The following FGF14 variants were observed in gnomAD, a reference collection of about 807,000 sequenced individuals.
The protein encoded by FGF14 is fibroblast growth factor 14.
A neutral mutation model predicts 25.5 loss-of-function variants in FGF14; 5 were observed. That is an observed-to-expected ratio of 0.20 (90% CI 0.10 to 0.41). The LOEUF is 0.41. FGF14 is among the 10% of genes least tolerant of loss of function. The probability of loss-of-function intolerance (pLI) is 1.00; values close to 1 mark genes in which losing one functional copy is unlikely to be tolerated. For missense variants in FGF14, 222 were observed against 320.1 expected (o/e 0.69, Z 2.34); for synonymous variants, 138 against 118.3 (o/e 1.17, Z -1.08).
chr13:101,923,459 A>AT (rs2139184661), intron 1 of FGF14, among the ~76,000 whole-genome samples: 1 of 152,150 alleles, frequency 6.6e-6, no homozygotes, highest in South Asian at 2.1e-4. Flanking sequence ...GTCCCTTTTC[A>AT]TTTTTTACTC....
chr13:102,199,806 G>T (rs1041787815), intron 1 of FGF14, among the ~76,000 whole-genome samples: 1 of 152,040 alleles, frequency 6.6e-6, no homozygotes, highest in African/African-American at 2.4e-5. Flanking sequence ...CTTTCTCAGT[G>T]TGCCACATGC....
chr13:102,201,923 G>A (rs2049672201), intron 1 of FGF14, among the ~76,000 whole-genome samples: 1 of 152,198 alleles, frequency 6.6e-6, no homozygotes, highest in African/African-American at 2.4e-5. Flanking sequence ...AATCCCCAGT[G>A]TTGGATGTGG....
intron 3 of FGF14, among the ~76,000 whole-genome samples, chr13:101,783,497 C>T (rs1328616414): frequency 1.3e-5 from 2 of 151,010 alleles, no homozygotes; most frequent in South Asian, 2.1e-4. Context: ...CTGTCCATAT[C>T]CTTTGCCCAC....
intron 4 of FGF14, among the ~76,000 whole-genome samples, chr13:101,724,618 ATATATATATATAT>A (rs2035260226): frequency 1.4e-5 from 2 of 144,472 alleles, no homozygotes; most frequent in Admixed American, 1.4e-4. Context: ...ATATATATAT[ATATATATATATAT>A]AAAACAAAGA....
intron 3 of FGF14, among the ~76,000 whole-genome samples, chr13:101,786,890 A>T (rs1047390962): frequency 6.6e-6 from 1 of 152,128 alleles, no homozygotes; most frequent in Non-Finnish European, 1.5e-5. Flanking sequence ...CTTTTAAGAA[A>T]CTTGAAAAGA....
At chr13:101,788,084 G>A (rs930741005) in intron 3 of FGF14, among the ~76,000 whole-genome samples, 9 of 152,098 alleles carry the variant, frequency 5.9e-5, no homozygotes, top group Non-Finnish European at 1.3e-4. Context: ...TGTTGGTCAG[G>A]CTGGTCTCAA....
At chr13:102,071,150 A>C (rs1296391319) in intron 1 of FGF14, among the ~76,000 whole-genome samples, 1 of 152,242 alleles carries the variant, frequency 6.6e-6, no homozygotes, top group Non-Finnish European at 1.5e-5. Flanking sequence ...ATGTTTAACA[A>C]ATAACCAAAC....
intron 1 of FGF14, among the ~76,000 whole-genome samples, chr13:102,065,019 ACT>A (rs1262613625): frequency 1.3e-5 from 2 of 151,942 alleles, no homozygotes; most frequent in African/African-American, 2.4e-5. Flanking sequence ...ATATAATGTC[ACT>A]CTCTTTTCCA....
intron 3 of FGF14, among the ~76,000 whole-genome samples, chr13:101,732,187 C>G (rs768038113): frequency 6.6e-6 from 1 of 152,172 alleles, no homozygotes; most frequent in Non-Finnish European, 1.5e-5. Context: ...CAGGCTTCCA[C>G]TAGGAATTAG....
rs530304699 is a variant in FGF14, at chr13:102,169,734, T to C, written c.208+231737A>G. On this transcript the variant is annotated intron_variant, in intron 1 of 4. Coordinates refer to the FGF14 transcript ENST00000376131. ...CAAAAGCAATTTAATTGGATAACCT[T>C]TATTCCAATTATTGAAAGTTCTTTC... is the stretch of plus-strand genomic sequence containing the variant. Among the ~76,000 whole-genome samples, 24 of 152,266 alleles carry C rather than the reference T, an allele frequency of 1.6e-4. No homozygotes were observed. The East Asian group carries it at 4.4e-3, about 28-fold the overall frequency.
chr13:101,722,036 A>G lies in FGF14; in HGVS notation c.*795T>C, dbSNP rs867925528. ...TGTGATATGTATAAAACACACACAC[A>G]CAAAGAAACTAGAGGGGGATGTCAA... is the stretch of plus-strand genomic sequence containing the variant. On this transcript the variant is annotated 3_prime_UTR_variant, in exon 5 of 5. Coordinates refer to ENST00000376143, the MANE Select transcript of FGF14 (RefSeq NM_004115.4). 1 of 152,342 alleles carries G rather than the reference A, an allele frequency of 6.6e-6. No individual in the cohort carries two copies. The highest frequency in any genetic ancestry group is 6.6e-5 in the Admixed American group (1 of 15,266). The allele number at this position is 152,342 out of a possible 1,614,324, so 9.4% of individuals were successfully genotyped here. A position where few individuals can be genotyped will look rare whatever the true frequency, so the allele number is the denominator to read the frequency against.
At chr13:101,829,491 C>T (rs2042566313) in intron 3 of FGF14, among the ~76,000 whole-genome samples, 1 of 152,042 alleles carries the variant, frequency 6.6e-6, no homozygotes, top group Non-Finnish European at 1.5e-5. Context: ...CCTAAGAATA[C>T]ACTAGCCAGT....
chr13:101,886,745 A>G (rs1190452017), intron 1 of FGF14, among the ~76,000 whole-genome samples: 3 of 152,312 alleles, frequency 2.0e-5, no homozygotes, highest in Middle Eastern at 6.8e-3. Context: ...AGCCACCAAC[A>G]GAATGGAGAC....
At chr13:101,946,597 G>C (rs1024998702) in intron 1 of FGF14, among the ~76,000 whole-genome samples, 19 of 152,306 alleles carry the variant, frequency 1.2e-4, no homozygotes, top group African/African-American at 4.3e-4. Context: ...CATCTGTGGA[G>C]TTAGTTTTTC....
intron 3 of FGF14, among the ~76,000 whole-genome samples, chr13:101,750,524 G>T (rs755486069): frequency 2.0e-5 from 3 of 152,128 alleles, no homozygotes; most frequent in Non-Finnish European, 4.4e-5. Context: ...CTTCTTTTCT[G>T]CTGGAGAAGT....
intron 1 of FGF14, among the ~76,000 whole-genome samples, chr13:101,939,812 A>C (rs2035327558): frequency 6.6e-6 from 1 of 152,212 alleles, no homozygotes; most frequent in Non-Finnish European, 1.5e-5. Context: ...AAAGTCAAAA[A>C]CCACCTCATA....
intron 1 of FGF14, among the ~76,000 whole-genome samples, chr13:102,088,206 T>G (rs2140233063): frequency 6.6e-6 from 1 of 152,366 alleles, no homozygotes; most frequent in African/African-American, 2.4e-5. Context: ...GGTACTCAAC[T>G]GTCAACCTGC....
At position 101,713,117 on chromosome 13, in the gene FGF14, C is replaced by T. The variant is rs2034552145; in HGVS notation, c.*9714G>A. 1.3e-5 allele frequency: 2 copies of T among 152,158 alleles called. No individual in the cohort carries two copies. Among genetic ancestry groups the T allele is most frequent in the Admixed American group, 1.3e-4 (2 of 15,268 alleles). The allele number at this position is 152,158 out of a possible 1,614,324, so 9.4% of individuals were successfully genotyped here. ...TGCACTCTTACTTTGAGAAGTGTGT[C>T]AAGAAATGGCAAACATTTAATTTGG... On this transcript the variant is annotated 3_prime_UTR_variant, in exon 5 of 5. Coordinates refer to ENST00000376143, the MANE Select transcript of FGF14 (RefSeq NM_004115.4).
At chr13:102,377,420 A>G (rs184993082) in intron 1 of FGF14, among the ~76,000 whole-genome samples, 22 of 152,354 alleles carry the variant, frequency 1.4e-4, no homozygotes, top group African/African-American at 4.3e-4. Context: ...CATACATTAT[A>G]AAAGTCTAGA....
Sources: gnomAD v4.1 joint callset for allele counts (sites outside exome capture counted in the v4.1 genomes callset) on GRCh38, gnomAD v4.1.1 for gene constraint, MANE v1.5 for transcripts, NCBI Gene and HGNC (gene_info 2026-07-23, HGNC 2026-07-21) for gene names.